NR5A2: variants seen among roughly 807,000 people sequenced by gnomAD.
NR5A2 encodes nuclear receptor subfamily 5 group A member 2, also known as CYP7A promoter-binding factor.
Under a neutral mutation model 62.7 loss-of-function variants are expected in NR5A2, and 26 were observed. That is an observed-to-expected ratio of 0.41 (90% CI 0.30 to 0.58). NR5A2 has a LOEUF of 0.58. NR5A2 is among the 20% of genes least tolerant of loss of function. The pLI is 0.22. For missense variants in NR5A2, 541 were observed against 669.1 expected, an observed-to-expected ratio of 0.81 and a Z score of 2.11; for synonymous variants, 246 against 241.7, an observed-to-expected ratio of 1.02 and a Z score of -0.16.
At chr1:200,140,482 C>T in intron 7 of NR5A2, among the ~76,000 whole-genome samples, 1 of 152,082 alleles carries the variant, frequency 6.6e-6, no homozygotes, top group Non-Finnish European at 1.5e-5. Flanking sequence ...TTCCCATTCT[C>T]CTTGTTTTCT....
chr1:200,074,406 GAAA>G (rs565272182), intron 5 of NR5A2, among the ~76,000 whole-genome samples: 1 of 92,718 alleles, frequency 1.1e-5, no homozygotes. Context: ...TAAAAGAAAA[GAAA>G]AAAAAAAGAA....
At chr1:200,043,089 C>A in intron 2 of NR5A2, 1 of 764,264 alleles carries the variant, frequency 1.3e-6, no homozygotes, top group Non-Finnish European at 1.6e-6. Flanking sequence ...TACGGGCGTC[C>A]TCTATTTTCT....
chr1:200,137,784 AT>A (rs1194274379), intron 7 of NR5A2, among the ~76,000 whole-genome samples: 1 of 152,000 alleles, frequency 6.6e-6, no homozygotes, highest in African/African-American at 2.4e-5. Context: ...ATTTCTTCTA[AT>A]TTTTTTTAAA....
At chr1:200,106,619 CT>C (rs1197593846) in intron 5 of NR5A2, among the ~76,000 whole-genome samples, 3 of 152,174 alleles carry the variant, frequency 2.0e-5, no homozygotes, top group Admixed American at 6.5e-5. Context: ...ACTTAAACTT[CT>C]TTGGTCTTCT....
chr1:200,127,690 A>T (rs1410658670), intron 7 of NR5A2, among the ~76,000 whole-genome samples: 1 of 78,544 alleles, frequency 1.3e-5, no homozygotes. Flanking sequence ...AAAAAAAAAA[A>T]AAAAAAAAAA....
intron 5 of NR5A2, among the ~76,000 whole-genome samples, chr1:200,060,525 C>T (rs529670988): frequency 6.6e-6 from 1 of 152,242 alleles, no homozygotes; most frequent in African/African-American, 2.4e-5. Flanking sequence ...GCAGGCTTAG[C>T]AAGGTGAGTA....
chr1:200,042,928 G>T (rs1343925629), intron 2 of NR5A2: 2 of 985,354 alleles, frequency 2.0e-6, no homozygotes, highest in African/African-American at 1.7e-5. Flanking sequence ...CGTCGTGGCG[G>T]CCTGATTTCT....
At chr1:200,161,891 G>T (rs1358255540) in intron 7 of NR5A2, among the ~76,000 whole-genome samples, 3 of 152,182 alleles carry the variant, frequency 2.0e-5, no homozygotes, top group African/African-American at 7.2e-5. Flanking sequence ...TTATGTGTGT[G>T]GTGCTATACC....
At chr1:200,083,528 G>A (rs963364739) in intron 5 of NR5A2, among the ~76,000 whole-genome samples, 5 of 152,142 alleles carry the variant, frequency 3.3e-5, no homozygotes, top group Non-Finnish European at 5.9e-5. Context: ...CCTCCTCATT[G>A]TCATTAGATA....
At chr1:200,066,739 C>A (rs1349266232) in intron 5 of NR5A2, among the ~76,000 whole-genome samples, 1 of 152,006 alleles carries the variant, frequency 6.6e-6, no homozygotes, top group South Asian at 2.1e-4. Context: ...AGGTGCCCAC[C>A]ACCATGCCCA....
chr1:200,061,809 G>A (rs189899770), intron 5 of NR5A2, among the ~76,000 whole-genome samples: 6 of 152,230 alleles, frequency 3.9e-5, no homozygotes, highest in South Asian at 4.2e-4. Flanking sequence ...AGTAGTGTTC[G>A]TTATTAAATT....
chr1:200,134,479 G>A (rs192088818), intron 7 of NR5A2, among the ~76,000 whole-genome samples: 2 of 152,134 alleles, frequency 1.3e-5, no homozygotes, highest in Admixed American at 6.5e-5. Flanking sequence ...ACAGTGACAC[G>A]CTGTATAGGT....
At chr1:200,084,114 A>G (rs1400450327) in intron 5 of NR5A2, among the ~76,000 whole-genome samples, 4 of 151,968 alleles carry the variant, frequency 2.6e-5, no homozygotes, top group Non-Finnish European at 5.9e-5. Context: ...ACATTATAGG[A>G]CTTAGAGATT....
intron 5 of NR5A2, among the ~76,000 whole-genome samples, chr1:200,109,384 A>G (rs1466388829): frequency 6.6e-6 from 1 of 152,166 alleles, no homozygotes; most frequent in African/African-American, 2.4e-5. Context: ...GTTGCTTTAC[A>G]CTTCACAAAG....
At chr1:200,040,626 A>G (rs1182412809) in intron 2 of NR5A2, among the ~76,000 whole-genome samples, 1 of 152,234 alleles carries the variant, frequency 6.6e-6, no homozygotes, top group East Asian at 1.9e-4. Flanking sequence ...GAACAATGCT[A>G]GGAAAAGTCA....
intron 5 of NR5A2, among the ~76,000 whole-genome samples, chr1:200,073,010 T>C (rs1046905230): frequency 3.3e-5 from 5 of 152,216 alleles, no homozygotes; most frequent in Admixed American, 6.5e-5. Flanking sequence ...TGACACAAGA[T>C]GTGATGAAGA....
chr1:200,110,428 C>T (rs987361338), intron 5 of NR5A2, among the ~76,000 whole-genome samples: 14 of 152,286 alleles, frequency 9.2e-5, no homozygotes, highest in East Asian at 3.9e-4. Context: ...AGTTCCCTGG[C>T]GGGGAAGGTG....
At chr1:200,150,545 A>C (rs1653032813) in intron 7 of NR5A2, among the ~76,000 whole-genome samples, 1 of 152,224 alleles carries the variant, frequency 6.6e-6, no homozygotes, top group Non-Finnish European at 1.5e-5. Flanking sequence ...TAATTACGAG[A>C]TGCTTGTAAA....
chr1:200,027,964 A>G (rs998923825), intron 1 of NR5A2, 53 bp downstream of exon 1: 1 of 1,250,012 alleles, frequency 8.0e-7, no homozygotes, highest in Non-Finnish European at 1.1e-6. Flanking sequence ...CTACATACAT[A>G]TAATTTAATC....
Sources: gnomAD v4.1 joint callset for allele counts (sites outside exome capture counted in the v4.1 genomes callset) on GRCh38, gnomAD v4.1.1 for gene constraint, MANE v1.5 for transcripts, NCBI Gene and HGNC (gene_info 2026-07-23, HGNC 2026-07-21) for gene names.